The following HCRTR2 variants were observed in gnomAD, a reference collection of about 807,000 sequenced individuals.
HCRTR2 encodes hypocretin receptor 2, also known as orexin receptor type 2.
Under a neutral mutation model 49.0 loss-of-function variants are expected in HCRTR2, and 22 were observed. The observed-to-expected ratio is 0.45, with a 90% CI of 0.32 to 0.64. HCRTR2 has a LOEUF of 0.64. HCRTR2 is among the 30% of genes least tolerant of loss of function. The pLI is 0.04. For synonymous variants in HCRTR2, 236 were observed against 205.3 expected (o/e 1.15, Z -1.28); for missense variants, 491 against 559.4 (o/e 0.88, Z 1.23).
At chr6:55,252,744 A>T (rs1466227434) in intron 2 of HCRTR2, among the ~76,000 whole-genome samples, 1 of 152,094 alleles carries the variant, frequency 6.6e-6, no homozygotes, top group African/African-American at 2.4e-5. Flanking sequence ...TTAGCCTCCA[A>T]TAATTTAGCA....
intron 1 of HCRTR2, among the ~76,000 whole-genome samples, chr6:55,187,082 A>G (rs2127276004): frequency 6.6e-6 from 1 of 152,258 alleles, no homozygotes; most frequent in East Asian, 1.9e-4. Context: ...GAATTAAAAA[A>G]AAAAATCAAA....
intron 1 of HCRTR2, among the ~76,000 whole-genome samples, chr6:55,129,344 T>C (rs1436161840): frequency 2.6e-5 from 4 of 152,106 alleles, no homozygotes; most frequent in Non-Finnish European, 4.4e-5. Context: ...TTCCTTAATG[T>C]ATAAGGTAAG....
At chr6:55,125,730 T>C (rs4440461) in intron 1 of HCRTR2, among the ~76,000 whole-genome samples, 152,244 of 152,282 alleles carry the variant, frequency 1, 76,103 homozygotes, top group Non-Finnish European at 1. Context: ...TTTCATTCTC[T>C]CTGTCATTTT....
At chr6:55,200,483 G>GT (rs1765494774) in intron 1 of HCRTR2, among the ~76,000 whole-genome samples, 1 of 151,942 alleles carries the variant, frequency 6.6e-6, no homozygotes, top group African/African-American at 2.4e-5. Flanking sequence ...CCAGACTGGT[G>GT]TTTTTTGAAA....
chr6:55,153,793 G>T (rs868526154), intron 1 of HCRTR2, among the ~76,000 whole-genome samples: 2 of 151,500 alleles, frequency 1.3e-5, no homozygotes, highest in African/African-American at 2.4e-5. Context: ...AATAACAAAG[G>T]TTAGATCAAA....
intron 1 of HCRTR2, among the ~76,000 whole-genome samples, chr6:55,153,378 G>A (rs935488167): frequency 3.0e-4 from 45 of 152,066 alleles, no homozygotes; most frequent in Admixed American, 5.9e-4. Context: ...TTTGCTCCTA[G>A]CCAACAAACG....
At chr6:55,138,662 T>C (rs1258328049) in intron 1 of HCRTR2, among the ~76,000 whole-genome samples, 2 of 152,208 alleles carry the variant, frequency 1.3e-5, no homozygotes, top group African/African-American at 4.8e-5. Context: ...ATTTTTACTG[T>C]GTCATTTTAA....
At chr6:55,264,324 A>T (rs867473177) in intron 4 of HCRTR2, among the ~76,000 whole-genome samples, 12 of 152,098 alleles carry the variant, frequency 7.9e-5, no homozygotes, top group Non-Finnish European at 1.6e-4. Flanking sequence ...CAGAATGTAT[A>T]ATTTTAAAAA....
chr6:55,256,797 A>G (rs1766661584), intron 3 of HCRTR2, among the ~76,000 whole-genome samples: 1 of 152,122 alleles, frequency 6.6e-6, no homozygotes, highest in African/African-American at 2.4e-5. Context: ...AGAACTTAGT[A>G]TATGTCAGGC....
intron 1 of HCRTR2, among the ~76,000 whole-genome samples, chr6:55,240,066 C>T (rs1290513529): frequency 2.0e-5 from 3 of 151,744 alleles, no homozygotes; most frequent in African/African-American, 4.8e-5. Flanking sequence ...TGTGAGCCAC[C>T]GCGCCCGGCC....
chr6:55,135,493 T>A (rs889853152), intron 1 of HCRTR2, among the ~76,000 whole-genome samples: 2 of 152,068 alleles, frequency 1.3e-5, no homozygotes, highest in Non-Finnish European at 2.9e-5. Context: ...CAAAAACCCA[T>A]TTATCTCTCC....
intron 1 of HCRTR2, among the ~76,000 whole-genome samples, chr6:55,150,561 A>G (rs966447674): frequency 1.3e-5 from 2 of 151,722 alleles, no homozygotes; most frequent in Non-Finnish European, 1.5e-5. Context: ...TGACTTTTTC[A>G]TATTTCTTGT....
chr6:55,262,410 T>C (rs1322988972), intron 3 of HCRTR2, among the ~76,000 whole-genome samples: 4 of 137,124 alleles, frequency 2.9e-5, no homozygotes, highest in Admixed American at 7.9e-5. Context: ...TAATGTATTA[T>C]ATGTTATATA....
chr6:55,143,901 T>C (rs1372171820), intron 1 of HCRTR2, among the ~76,000 whole-genome samples: 1 of 152,164 alleles, frequency 6.6e-6, no homozygotes, highest in Non-Finnish European at 1.5e-5. Flanking sequence ...ATTTAGTAAT[T>C]ATCAGCTTTT....
At chr6:55,196,837 AG>A (rs1224536208) in intron 1 of HCRTR2, among the ~76,000 whole-genome samples, 1 of 152,166 alleles carries the variant, frequency 6.6e-6, no homozygotes, top group Non-Finnish European at 1.5e-5. Context: ...ATTTATGTAG[AG>A]ATTAGAGTGA....
intron 1 of HCRTR2, among the ~76,000 whole-genome samples, chr6:55,164,941 C>CTTCT (rs1764855762): frequency 6.6e-6 from 1 of 152,018 alleles, no homozygotes; most frequent in Non-Finnish European, 1.5e-5. Flanking sequence ...GGAATTCAGA[C>CTTCT]TTCTATCAGA....
chr6:55,162,526 T>C (rs1764821268), intron 1 of HCRTR2, among the ~76,000 whole-genome samples: 1 of 152,148 alleles, frequency 6.6e-6, no homozygotes, highest in South Asian at 2.1e-4. Flanking sequence ...GGTATTCAAA[T>C]AGGAAGAGAA....
At chr6:55,275,101 G>A (rs887522282) in intron 4 of HCRTR2, among the ~76,000 whole-genome samples, 2 of 152,086 alleles carry the variant, frequency 1.3e-5, no homozygotes, top group Non-Finnish European at 2.9e-5. Context: ...TAGCATGTTT[G>A]CCTCTTCCTC....
chr6:55,282,693 T>C (rs932736842), downstream of HCRTR2: 12 of 467,768 alleles, frequency 2.6e-5, no homozygotes, highest in African/African-American at 3.0e-5. Flanking sequence ...ATTTCACTTT[T>C]AGTTTCATGT....
Sources: gnomAD v4.1 joint callset for allele counts (sites outside exome capture counted in the v4.1 genomes callset) on GRCh38, gnomAD v4.1.1 for gene constraint, MANE v1.5 for transcripts, NCBI Gene and HGNC (gene_info 2026-07-23, HGNC 2026-07-21) for gene names.